The following UGT1A10 variants were observed in gnomAD, a reference collection of about 807,000 sequenced individuals.
The protein encoded by UGT1A10 is UDP glucuronosyltransferase family 1 member A10.
UGT1A10 carries 49 observed loss-of-function variants against 45.8 expected under a neutral mutation model. That is an observed-to-expected ratio of 1.07 (90% CI 0.85 to 1.36). UGT1A10 has a LOEUF of 1.36. UGT1A10 is among the 40% of genes most tolerant of loss of function. The pLI is 0.00. For synonymous variants in UGT1A10, 284 were observed against 249.7 expected (o/e 1.14, Z -1.29); for missense variants, 745 against 668.6 (o/e 1.11, Z -1.26).
At chr2:233,679,569 G>GT (rs1328684774) in intron 1 of UGT1A10, among the ~76,000 whole-genome samples, 2 of 151,752 alleles carry the variant, frequency 1.3e-5, no homozygotes, top group Non-Finnish European at 2.9e-5. Context: ...GTTTGTTTTT[G>GT]TTTTTTCCAG....
At chr2:233,724,057 G>C (rs1302014170) in intron 1 of UGT1A10, among the ~76,000 whole-genome samples, 9 of 86,764 alleles carry the variant, frequency 1.0e-4, no homozygotes, top group Non-Finnish European at 1.5e-4. Flanking sequence ...ACACCTCCCA[G>C]ACGGGGTGGT....
intron 1 of UGT1A10, chr2:233,647,819 G>T (rs2073641473): frequency 3.4e-6 from 3 of 873,514 alleles, no homozygotes; most frequent in Admixed American, 5.5e-5. Context: ...TAATTGATTT[G>T]CCCCAAAAGC....
intron 1 of UGT1A10, among the ~76,000 whole-genome samples, chr2:233,744,317 G>C (rs1444655221): frequency 6.6e-6 from 1 of 151,846 alleles, no homozygotes; most frequent in East Asian, 1.9e-4. Flanking sequence ...GAAGAGGGTG[G>C]TGGGAGTGAG....
intron 1 of UGT1A10, among the ~76,000 whole-genome samples, chr2:233,654,379 A>G (rs574270361): frequency 6.6e-6 from 1 of 152,140 alleles, no homozygotes; most frequent in African/African-American, 2.4e-5. Flanking sequence ...CAGGATTGTG[A>G]TCCAAACCCT....
chr2:233,771,327 C>T (rs1000719908), intron 4 of UGT1A10: 1 of 152,118 alleles, frequency 6.6e-6, no homozygotes, highest in African/African-American at 2.4e-5. Context: ...TCTTCAATCT[C>T]CTCTTCATTC....
intron 4 of UGT1A10, among the ~76,000 whole-genome samples, chr2:233,768,962 ATAATT>A (rs753324015): frequency 2.0e-5 from 3 of 152,200 alleles, no homozygotes; most frequent in Non-Finnish European, 4.4e-5. Flanking sequence ...AATTTATCAT[ATAATT>A]TATTTAGAAT....
chr2:233,649,205 CGTT>C (rs2073678812), intron 1 of UGT1A10, among the ~76,000 whole-genome samples: 1 of 152,086 alleles, frequency 6.6e-6, no homozygotes, highest in Admixed American at 6.6e-5. Flanking sequence ...ATAATGGCCT[CGTT>C]AATATGTATG....
At chr2:233,695,071 T>G (rs1160759504) in intron 1 of UGT1A10, among the ~76,000 whole-genome samples, 1 of 152,202 alleles carries the variant, frequency 6.6e-6, no homozygotes, top group Non-Finnish European at 1.5e-5. Context: ...TATCGCACTT[T>G]GGACTTACTC....
rs569949528 is a variant in UGT1A10, at chr2:233,742,141, C to T, written c.856-24893C>T. ...GGTCGTGGAGACCCTAACCCAGCAG[C>T]GCTAGACGAATTAAAGACACACACA... On this transcript the variant is annotated intron_variant, in intron 1 of 4. Transcript: ENST00000344644. 6.5e-4 allele frequency among the ~76,000 whole-genome samples: 99 copies of T among 151,946 alleles called. No homozygotes were observed. The South Asian group carries it at 0.02, about 31-fold the overall frequency.
At chr2:233,674,078 C>T (rs966214641) in intron 1 of UGT1A10, among the ~76,000 whole-genome samples, 3 of 152,080 alleles carry the variant, frequency 2.0e-5, no homozygotes, top group African/African-American at 7.2e-5. Flanking sequence ...AATGTCTAAT[C>T]TCAGTATATT....
At chr2:233,742,275 G>A (rs530513116) in intron 1 of UGT1A10, among the ~76,000 whole-genome samples, 1 of 152,110 alleles carries the variant, frequency 6.6e-6, no homozygotes, top group East Asian at 1.9e-4. Context: ...CCTGTGATAA[G>A]CATCATTTCT....
chr2:233,653,474 A>G (rs2073786580), intron 1 of UGT1A10, among the ~76,000 whole-genome samples: 1 of 152,208 alleles, frequency 6.6e-6, no homozygotes, highest in Non-Finnish European at 1.5e-5. Flanking sequence ...TCAGGTTTGC[A>G]GCTTTGATCA....
intron 1 of UGT1A10, among the ~76,000 whole-genome samples, chr2:233,686,505 GT>G (rs2074792464): frequency 6.6e-6 from 1 of 152,032 alleles, no homozygotes; most frequent in Admixed American, 6.5e-5. Flanking sequence ...GTGAGCCCAG[GT>G]GGAGCCTCCA....
chr2:233,701,392 G>A (rs2075625527), intron 1 of UGT1A10, among the ~76,000 whole-genome samples: 1 of 151,982 alleles, frequency 6.6e-6, no homozygotes, highest in South Asian at 2.1e-4. Flanking sequence ...CACAATAATA[G>A]TGGGAGACTT....
chr2:233,759,735 A>G (rs1426005691), intron 1 of UGT1A10, among the ~76,000 whole-genome samples: 1 of 152,016 alleles, frequency 6.6e-6, no homozygotes, highest in Non-Finnish European at 1.5e-5. Flanking sequence ...CTGCAGCCTC[A>G]AGACCCCACA....
chr2:233,737,383 C>T (rs1188970880), intron 1 of UGT1A10, among the ~76,000 whole-genome samples: 6 of 152,224 alleles, frequency 3.9e-5, no homozygotes, highest in Non-Finnish European at 8.8e-5. Flanking sequence ...AGAGAATCTC[C>T]TTGTCTGCCA....
intron 1 of UGT1A10, chr2:233,682,406 G>T (rs1420608459): frequency 6.2e-7 from 1 of 1,613,816 alleles, no homozygotes. Flanking sequence ...TGGCTTAATT[G>T]TTGCCAAATA....
At chr2:233,753,439 T>G (rs1321423136) in intron 1 of UGT1A10, 3 of 152,230 alleles carry the variant, frequency 2.0e-5, no homozygotes, top group African/African-American at 7.2e-5. Flanking sequence ...TGGTTAATGA[T>G]GTGTTCAGGC....
chr2:233,718,616 CG>C, intron 1 of UGT1A10: 22 of 858,724 alleles, frequency 2.6e-5, no homozygotes, highest in Non-Finnish European at 2.9e-5. Flanking sequence ...TCAAGATAGG[CG>C]TGATTGGTCT....
Sources: gnomAD v4.1 joint callset for allele counts (sites outside exome capture counted in the v4.1 genomes callset) on GRCh38, gnomAD v4.1.1 for gene constraint, MANE v1.5 for transcripts, NCBI Gene and HGNC (gene_info 2026-07-23, HGNC 2026-07-21) for gene names.